SGSM2: variants seen among roughly 807,000 people sequenced by gnomAD.
SGSM2 encodes RUN and TBC1 domain containing 1.
Under a neutral mutation model 126.6 loss-of-function variants are expected in SGSM2, and 89 were observed. The ratio of observed to expected loss-of-function variants is 0.70; its 90% confidence interval spans 0.59 to 0.84. The LOEUF is 0.84. SGSM2 is among the 40% of genes least tolerant of loss of function. The pLI is 0.00. For missense variants in SGSM2, 1,404 were observed against 1,416.6 expected (o/e 0.99, Z 0.14); for synonymous variants, 614 against 574.3 (o/e 1.07, Z -0.99).
intron 2 of SGSM2, 28 bp downstream of exon 2, chr17:2,343,648 A>G (rs776896909): frequency 1.2e-6 from 2 of 1,606,738 alleles, no homozygotes; most frequent in Admixed American, 1.7e-5. Context: ...GGATGATGGG[A>G]GGTCGGTCTA....
intron 2 of SGSM2, among the ~76,000 whole-genome samples, chr17:2,354,850 G>A (rs903437141): frequency 2.0e-5 from 3 of 152,144 alleles, no homozygotes; most frequent in Non-Finnish European, 4.4e-5. Flanking sequence ...TGGGGGCAGG[G>A]ACCCTATATC....
intron 1 of SGSM2, among the ~76,000 whole-genome samples, chr17:2,340,810 T>C (rs1394348309): frequency 1.3e-5 from 2 of 152,136 alleles, no homozygotes; most frequent in South Asian, 2.1e-4. Context: ...GGTCTCGATC[T>C]CCTGACCTCG....
rs201066925 is a variant in SGSM2 at position 2,372,175 on chromosome 17, C to G, written c.1578-15C>G. The G allele has an allele frequency of 5.6e-6, 9 of 1,613,050 alleles. 1 individual carries two copies. In the South Asian group the frequency reaches 9.9e-5, roughly 18 times the overall value. On this transcript the variant is annotated splice_polypyrimidine_tract_variant and intron_variant, in intron 13 of 23. Coordinates refer to ENST00000268989, the MANE Select transcript of SGSM2 (RefSeq NM_014853.3). This position sits in a 1 kb window ranked among gnomAD's most constrained non-coding sequence, Gnocchi z 6.0. ...GGCCGCAGCCCCTCCCTGCTGAGCC[C>G]GGTTGTTGCCACAGGTTGCCGCTCA...
chr17:2,354,247 A>T (rs1438162453), intron 2 of SGSM2, among the ~76,000 whole-genome samples: 1 of 151,654 alleles, frequency 6.6e-6, no homozygotes, highest in Non-Finnish European at 1.5e-5. Context: ...ACGGGGTTTC[A>T]CTATGTTACC....
At chr17:2,351,103 A>G (rs374378480) in intron 2 of SGSM2, among the ~76,000 whole-genome samples, 8 of 152,220 alleles carry the variant, frequency 5.3e-5, no homozygotes, top group African/African-American at 1.9e-4. Context: ...AAATACAAAA[A>G]TTAGCCGGCC....
chr17:2,365,232 G>C lies in SGSM2; in HGVS notation c.1179G>C (p.Lys393Asn), dbSNP rs1161036851. ...TQQGKGKVFP[K>N]LRKRSSIRSV... The stretch of plus-strand genomic sequence containing the variant: ...TTCCACAGGGGAAAGTGTTCCCCAA[G>C]CTACGGAAACGAAGCAGCATTCGCT... Residue 393 changes from lysine (K) to asparagine (N), a missense_variant, in exon 11 of 24, where the codon AAG (lysine) becomes AAC (asparagine). Lys to Asn is a moderately conservative substitution (Grantham distance 94). Coordinates refer to ENST00000268989, the MANE Select transcript of SGSM2 (RefSeq NM_014853.3). 3 of 1,612,516 alleles carry C rather than the reference G, an allele frequency of 1.9e-6. No homozygotes were observed. Among genetic ancestry groups the C allele is most frequent in the Non-Finnish European group, 2.5e-6 (3 of 1,179,076 alleles).
chr17:2,341,374 C>T (rs1236592181), intron 1 of SGSM2, among the ~76,000 whole-genome samples: 2 of 152,222 alleles, frequency 1.3e-5, no homozygotes, highest in Non-Finnish European at 2.9e-5. Context: ...AGCCACCATG[C>T]CCAGCCGTCT....
chr17:2,363,650 G>C lies in SGSM2; in HGVS notation c.807+51G>C, dbSNP rs780231527. The C allele has an allele frequency of 4.9e-5, 79 of 1,599,830 alleles. No homozygotes were observed. The highest frequency in any genetic ancestry group is 1.0e-4 in the Admixed American group (6 of 59,284). On this transcript the variant is annotated intron_variant, in intron 7 of 23. Coordinates refer to ENST00000268989, the MANE Select transcript of SGSM2 (RefSeq NM_014853.3). This position sits in a 1 kb window ranked among gnomAD's most constrained non-coding sequence, Gnocchi z 4.2. ...CTCCCCGAAGGTCCCCGAACGAGAC[G>C]ACTGGAAGCCTCTAGCCATGGCTAT...
intron 11 of SGSM2, among the ~76,000 whole-genome samples, chr17:2,366,273 G>A (rs1239972386): frequency 2.0e-5 from 3 of 152,150 alleles, no homozygotes; most frequent in Non-Finnish European, 4.4e-5. Flanking sequence ...CTCTGTCTAT[G>A]TGCATCTACC....
At chr17:2,339,686 C>T (rs1053043025) in intron 1 of SGSM2, among the ~76,000 whole-genome samples, 8 of 144,840 alleles carry the variant, frequency 5.5e-5, no homozygotes, top group African/African-American at 1.6e-4. Flanking sequence ...CCAGCCTGGG[C>T]GACAGAGCAA....
At chr17:2,350,525 G>A (rs948942478) in intron 2 of SGSM2, among the ~76,000 whole-genome samples, 2 of 151,732 alleles carry the variant, frequency 1.3e-5, no homozygotes, top group Admixed American at 6.6e-5. Context: ...CAGGAGAATC[G>A]CTTGAACCCA....
rs1161499763 is a variant in SGSM2, at chr17:2,380,824, G to GCCTGCCCAGCCCAGC, written c.*1312_*1326dup. The stretch of plus-strand genomic sequence containing the variant: ...CCGCAGCCCTTCTGCACCCAGCACA[G>GCCTGCCCAGCCCAGC]CCTGCCCAGCCCAGCCCTGCCCCCG... On this transcript the variant is annotated 3_prime_UTR_variant, in exon 24 of 24. Coordinates refer to ENST00000268989, the MANE Select transcript of SGSM2 (RefSeq NM_014853.3). The GCCTGCCCAGCCCAGC allele has an allele frequency of 1.1e-5, 2 of 175,272 alleles. No homozygotes were observed. The highest frequency in any genetic ancestry group is 3.6e-4 in the East Asian group (2 of 5,614). The allele number at this position is 175,272 out of a possible 1,614,324, so 10.9% of individuals were successfully genotyped here.
In SGSM2 at chr17:2,337,659, G is replaced by A. The variant is rs2064136626; in HGVS notation, c.-30G>A. On this transcript the variant is annotated 5_prime_UTR_variant, in exon 1 of 24. Coordinates refer to ENST00000268989, the MANE Select transcript of SGSM2 (RefSeq NM_014853.3). The surrounding 1 kb of genome is among the most constrained non-coding windows in gnomAD (Gnocchi z 5.1). ...GGCGGCGAGGGCGCGGGGGCTCTGA[G>A]GACCGCTCGGCGCCGCCTCCTGCCA... is the stretch of plus-strand genomic sequence containing the variant. 2 of 1,439,150 alleles carry A rather than the reference G, an allele frequency of 1.4e-6. No individual in the cohort carries two copies. Among genetic ancestry groups the A allele is most frequent in the South Asian group, 1.4e-5 (1 of 73,536 alleles). The allele number at this position is 1,439,150 out of a possible 1,614,324, so 89.1% of individuals were successfully genotyped here.
chr17:2,372,510 G>A lies in SGSM2; in HGVS notation c.1788+22G>A. Reference sequence around the variant, plus strand: ...AAAGGTGCCAACCCTGGGGTTCCAGGGCCACAGGTCGAGGGGCTGGGGCGG... The same window carrying A: ...AAAGGTGCCAACCCTGGGGTTCCAGAGCCACAGGTCGAGGGGCTGGGGCGG... On this transcript the variant is annotated intron_variant, in intron 15 of 23. Coordinates refer to ENST00000268989, the MANE Select transcript of SGSM2 (RefSeq NM_014853.3). This position sits in a 1 kb window ranked among gnomAD's most constrained non-coding sequence, Gnocchi z 6.0. 2 of 1,593,660 alleles carry A rather than the reference G, an allele frequency of 1.3e-6. No homozygotes were observed. The highest frequency in any genetic ancestry group is 2.3e-5 in the South Asian group (2 of 87,940).
At position 2,372,603 on chromosome 17, in the gene SGSM2, G is replaced by T; in HGVS notation, c.1788+115G>T. The T allele has an allele frequency of 1.5e-6, 2 of 1,378,914 alleles. No individual in the cohort carries two copies. Among genetic ancestry groups the T allele is most frequent in the South Asian group, 2.6e-5 (2 of 76,926 alleles). 85.4% of individuals were successfully genotyped at this position (1,378,914 alleles called of 1,614,324 possible). On this transcript the variant is annotated intron_variant, in intron 15 of 23. Transcript: ENST00000268989. The surrounding 1 kb of genome is among the most constrained non-coding windows in gnomAD (Gnocchi z 6.0). ...GTTGACAGGCCAGGGCCGATGCCAC[G>T]GAGTGACCAGGGTCCCGGCAGAATC...
At chr17:2,344,261 C>T (rs1199373498) in intron 2 of SGSM2, among the ~76,000 whole-genome samples, 2 of 152,200 alleles carry the variant, frequency 1.3e-5, no homozygotes, top group Non-Finnish European at 2.9e-5. Context: ...TTTCCGCCTC[C>T]TCAGCCTGAA....
intron 2 of SGSM2, among the ~76,000 whole-genome samples, chr17:2,352,999 G>A (rs913517429): frequency 6.6e-6 from 1 of 151,332 alleles, no homozygotes; most frequent in East Asian, 1.9e-4. Context: ...GGATGGTCTG[G>A]ATCTCCTGAC....
chr17:2,346,328 A>T (rs1196275387), intron 2 of SGSM2, among the ~76,000 whole-genome samples: 1 of 152,010 alleles, frequency 6.6e-6, no homozygotes, highest in Non-Finnish European at 1.5e-5. Flanking sequence ...TTGGCAGAGG[A>T]GGGTTGGGGG....
intron 16 of SGSM2, 124 bp from the exon 17 acceptor site, chr17:2,373,207 G>A (rs1056357739): frequency 1.5e-5 from 23 of 1,539,724 alleles, no homozygotes; most frequent in East Asian, 9.1e-5. Context: ...CAGCTCCACC[G>A]TCCTTACCCT....
Sources: allele counts gnomAD v4.1 joint callset (sites outside exome capture counted in the v4.1 genomes callset), GRCh38; gene constraint gnomAD v4.1.1; non-coding constraint Gnocchi (gnomAD v3.1); transcripts MANE v1.5; gene names NCBI Gene and HGNC (gene_info 2026-07-23, HGNC 2026-07-21).